Variants in UQCRH observed in about 807,000 individuals in gnomAD.
The protein encoded by UQCRH is cytochrome b-c1 complex subunit 6, mitochondrial.
A neutral mutation model predicts 16.3 loss-of-function variants in UQCRH; 14 were observed. The observed-to-expected ratio is 0.86, with a 90% CI of 0.57 to 1.34. UQCRH has a LOEUF of 1.34. Among genes scored for constraint, UQCRH ranks in the 40% most tolerant of loss-of-function variants. UQCRH has a pLI of 0.00. For missense variants in UQCRH, 89 were observed against 111.9 expected (o/e 0.80, Z 0.92); for synonymous variants, 41 against 41.9 (o/e 0.98, Z 0.08).
chr1:46,310,239 C>G lies in UQCRH; in HGVS notation c.166C>G (p.Arg56Gly). The G allele has an allele frequency of 1.2e-6, 2 of 1,614,154 alleles. No individual in the cohort carries two copies. Among genetic ancestry groups the G allele is most frequent in the Non-Finnish European group, 1.7e-6 (2 of 1,180,046 alleles). The change falls in exon 3 of 4, where the codon CGT becomes GGT. Residue 56 changes from arginine to glycine, a missense_variant. Physicochemically the swap from Arg to Gly is moderately radical, Grantham distance 125 (BLOSUM62 -2). Coordinates refer to ENST00000311672, the MANE Select transcript of UQCRH (RefSeq NM_006004.4). ...ARERLELCDE[R>G]VSSRSHTEED... ...GGAGCGGCTAGAGCTCTGTGATGAG[C>G]GTGTATCCTCTCGATCACATACAGA...
At chr1:46,306,383 T>TTG (rs1174280008) in intron 1 of UQCRH, among the ~76,000 whole-genome samples, 4 of 148,686 alleles carry the variant, frequency 2.7e-5, no homozygotes, top group Non-Finnish European at 4.5e-5. Flanking sequence ...TTTTTCAGTT[T>TTG]TTTTTTTTTT....
At position 46,309,221 on chromosome 1, in the gene UQCRH, A is replaced by G; in HGVS notation, c.81+94A>G. 2.2e-6 allele frequency: 3 copies of G among 1,390,122 alleles called. 1 individual carries two copies. The South Asian group carries it at 3.9e-5, about 18-fold the overall frequency. The allele number at this position is 1,390,122 out of a possible 1,614,324, so 86.1% of individuals were successfully genotyped here. ...GCATTTTAAGGAGTTTTTACTTGAT[A>G]CCTTGTAGATAATGGGGGTGGAATA... On this transcript the variant is annotated intron_variant, in intron 2 of 3. Coordinates refer to ENST00000311672, the MANE Select transcript of UQCRH (RefSeq NM_006004.4).
chr1:46,304,491 T>A (rs994699669), intron 1 of UQCRH, among the ~76,000 whole-genome samples: 1 of 151,888 alleles, frequency 6.6e-6, no homozygotes, highest in Non-Finnish European at 1.5e-5. Context: ...GTTCAAGCGA[T>A]TCTCCTGCCT....
At chr1:46,311,378 G>C (rs1166462312) in intron 3 of UQCRH, among the ~76,000 whole-genome samples, 1 of 150,600 alleles carries the variant, frequency 6.6e-6, no homozygotes, top group Non-Finnish European at 1.5e-5. Context: ...AGGAGATTGA[G>C]ACCATCTTGG....
At chr1:46,311,089 AT>A (rs778427088) in intron 3 of UQCRH, among the ~76,000 whole-genome samples, 83 of 136,272 alleles carry the variant, frequency 6.1e-4, no homozygotes, top group Middle Eastern at 3.7e-3. Context: ...AAAAAAAAAA[AT>A]AATAATAATA....
chr1:46,306,515 A>G (rs1440226392), intron 1 of UQCRH, among the ~76,000 whole-genome samples: 1 of 151,686 alleles, frequency 6.6e-6, no homozygotes, highest in African/African-American at 2.4e-5. Context: ...CTGGGACTAC[A>G]GGCGTGTGCC....
intron 3 of UQCRH, among the ~76,000 whole-genome samples, chr1:46,316,066 C>T (rs150030809): frequency 4.6e-5 from 7 of 152,222 alleles, no homozygotes; most frequent in Non-Finnish European, 8.8e-5. Context: ...CCCCCCGCCC[C>T]GCCTCCCATT....
intron 3 of UQCRH, among the ~76,000 whole-genome samples, chr1:46,313,554 G>A (rs188960825): frequency 0.016 from 2,473 of 152,182 alleles, 63 homozygotes; most frequent in African/African-American, 0.056. Flanking sequence ...GCGTGAACCC[G>A]GGAGGCGGAG....
intron 3 of UQCRH, among the ~76,000 whole-genome samples, chr1:46,314,347 A>G (rs1015310650): frequency 4.1e-5 from 6 of 147,348 alleles, no homozygotes; most frequent in African/African-American, 1.3e-4. Context: ...GCCTGGGTAC[A>G]GAGCAAGACT....
At chr1:46,304,216 G>A (rs1003908055) in intron 1 of UQCRH, among the ~76,000 whole-genome samples, 1 of 152,062 alleles carries the variant, frequency 6.6e-6, no homozygotes, top group African/African-American at 2.4e-5. Flanking sequence ...ATGGAGGTTC[G>A]GAAGACCTGG....
chr1:46,310,122 G>A (rs1411969657), intron 2 of UQCRH, 33 bp from the exon 3 acceptor site: 2 of 1,614,056 alleles, frequency 1.2e-6, no homozygotes, highest in Non-Finnish European at 1.7e-6. Flanking sequence ...TGCTAAAAAT[G>A]CCCATTTTGT....
At chr1:46,303,955 C>T in intron 1 of UQCRH, 135 bp downstream of exon 1, 4 of 1,111,120 alleles carry the variant, frequency 3.6e-6, no homozygotes, top group South Asian at 3.0e-5. Flanking sequence ...CTAGTTCCCT[C>T]GACCTTTCCC....
chr1:46,305,913 CTT>C (rs1661365142), intron 1 of UQCRH, among the ~76,000 whole-genome samples: 2 of 151,698 alleles, frequency 1.3e-5, no homozygotes, highest in Admixed American at 1.3e-4. Flanking sequence ...AAGCGATTCT[CTT>C]TTGCCTCAGC....
At chr1:46,306,408 G>A (rs1330679606) in intron 1 of UQCRH, among the ~76,000 whole-genome samples, 1 of 143,478 alleles carries the variant, frequency 7.0e-6, no homozygotes, top group Non-Finnish European at 1.5e-5. Flanking sequence ...TTGTGACGGA[G>A]TCTCGCTCTT....
At chr1:46,315,491 G>A (rs1661566985) in intron 3 of UQCRH, among the ~76,000 whole-genome samples, 1 of 150,760 alleles carries the variant, frequency 6.6e-6, no homozygotes, top group Admixed American at 6.6e-5. Context: ...CTACTCAGGA[G>A]TCTGAGGCAG....
chr1:46,306,519 G>A (rs753396793), intron 1 of UQCRH, among the ~76,000 whole-genome samples: 7 of 151,794 alleles, frequency 4.6e-5, no homozygotes, highest in African/African-American at 9.7e-5. Flanking sequence ...GACTACAGGC[G>A]TGTGCCATCA....
At chr1:46,309,288 G>C in intron 2 of UQCRH, 161 bp downstream of exon 2, 1 of 778,284 alleles carries the variant, frequency 1.3e-6, no homozygotes, top group Non-Finnish European at 2.0e-6. Context: ...TAGGGTGTGA[G>C]CCTTGGAAGC....
intron 1 of UQCRH, among the ~76,000 whole-genome samples, chr1:46,307,126 C>T (rs1661392421): frequency 6.6e-6 from 1 of 152,130 alleles, no homozygotes; most frequent in Admixed American, 6.5e-5. Context: ...GCTCCTGCAA[C>T]CTCTGCCTCC....
chr1:46,303,965 C>T, intron 1 of UQCRH, 145 bp downstream of exon 1: 1 of 1,031,422 alleles, frequency 9.7e-7, no homozygotes, highest in South Asian at 1.6e-5. Flanking sequence ...CGACCTTTCC[C>T]CAGAATTCGT....
Sources: allele counts gnomAD v4.1 joint callset (sites outside exome capture counted in the v4.1 genomes callset), GRCh38; gene constraint gnomAD v4.1.1; transcripts MANE v1.5; gene names NCBI Gene and HGNC (gene_info 2026-07-23, HGNC 2026-07-21).